Variants in TNS3 observed in about 807,000 individuals in gnomAD.
TNS3 encodes the protein tensin-3.
In TNS3, 45 loss-of-function variants were observed where a neutral mutation model predicts 140.9. The ratio of observed to expected loss-of-function variants is 0.32; its 90% CI spans 0.25 to 0.41. TNS3 has a LOEUF of 0.41. TNS3 is among the 10% of genes least tolerant of loss of function. The pLI is 1.00. For missense variants in TNS3, 1,716 were observed against 1,906.7 expected, an observed-to-expected ratio of 0.90 and a Z score of 1.86; for synonymous variants, 815 against 788.4, an observed-to-expected ratio of 1.03 and a Z score of -0.56.
intron 20 of TNS3, among the ~76,000 whole-genome samples, chr7:47,321,801 T>C (rs1176314346): frequency 1.3e-5 from 2 of 152,188 alleles, no homozygotes; most frequent in Non-Finnish European, 2.9e-5. Flanking sequence ...CTGATTTTAC[T>C]CTACATTGTT....
chr7:47,285,199 T>A (rs1584311881), intron 27 of TNS3, among the ~76,000 whole-genome samples: 1 of 152,292 alleles, frequency 6.6e-6, no homozygotes, highest in Non-Finnish European at 1.5e-5. Context: ...TGCTGGACCA[T>A]CCTTTCTATC....
intron 1 of TNS3, among the ~76,000 whole-genome samples, chr7:47,574,661 G>A (rs998840887): frequency 2.0e-5 from 3 of 149,062 alleles, no homozygotes; most frequent in Non-Finnish European, 3.0e-5. Flanking sequence ...CCACACACAC[G>A]GTATTATTCA....
chr7:47,531,226 A>G (rs1799394117), intron 1 of TNS3, among the ~76,000 whole-genome samples: 2 of 152,160 alleles, frequency 1.3e-5, no homozygotes, highest in Non-Finnish European at 1.5e-5. Flanking sequence ...TACCTATATA[A>G]TAAACCTGCA....
At chr7:47,509,140 G>A (rs1293998627) in intron 2 of TNS3, among the ~76,000 whole-genome samples, 1 of 152,234 alleles carries the variant, frequency 6.6e-6, no homozygotes, top group Non-Finnish European at 1.5e-5. Context: ...GTCAGTGCAA[G>A]GGTGGCAGTG....
At chr7:47,525,207 G>A (rs939611786) in intron 2 of TNS3, among the ~76,000 whole-genome samples, 16 of 152,140 alleles carry the variant, frequency 1.1e-4, no homozygotes, top group African/African-American at 1.7e-4. Context: ...TTGAATCCTC[G>A]GAGGTGACGC....
intron 4 of TNS3, among the ~76,000 whole-genome samples, chr7:47,454,174 T>A (rs1421034480): frequency 6.6e-6 from 1 of 152,098 alleles, no homozygotes; most frequent in African/African-American, 2.4e-5. Context: ...TGGTGTCTCC[T>A]TCCAGGCTGA....
intron 3 of TNS3, among the ~76,000 whole-genome samples, chr7:47,494,819 C>T (rs1241054681): frequency 6.6e-6 from 1 of 152,050 alleles, no homozygotes; most frequent in African/African-American, 2.4e-5. Flanking sequence ...CTTCCTGAAT[C>T]CCTGCCTAAA....
At chr7:47,443,724 C>G (rs1248871097) in intron 4 of TNS3, among the ~76,000 whole-genome samples, 1 of 152,094 alleles carries the variant, frequency 6.6e-6, no homozygotes, top group Non-Finnish European at 1.5e-5. Context: ...GAGTTCAAGA[C>G]CACCCTGGCC....
intron 1 of TNS3, among the ~76,000 whole-genome samples, chr7:47,536,578 T>C (rs1228852443): frequency 6.6e-6 from 1 of 152,180 alleles, no homozygotes; most frequent in African/African-American, 2.4e-5. Flanking sequence ...ATGGCCAGTA[T>C]CCCAATTCCA....
At chr7:47,548,387 T>G (rs1389964766) in intron 1 of TNS3, among the ~76,000 whole-genome samples, 1 of 152,126 alleles carries the variant, frequency 6.6e-6, no homozygotes, top group African/African-American at 2.4e-5. Context: ...CTGACTATAG[T>G]CACTGCCCCT....
In TNS3 at chr7:47,369,102, C is replaced by T; in HGVS notation, c.1544G>A (p.Ser515Asn). The T allele has an allele frequency of 6.2e-7, 1 of 1,614,154 alleles. No homozygotes were observed. Among genetic ancestry groups the T allele is most frequent in the East Asian group, 2.2e-5 (1 of 44,882 alleles). The change falls in exon 17 of 31, where the codon AGC becomes AAC. Residue 515 changes from serine (S) to asparagine (N), a missense_variant. Coordinates refer to ENST00000311160, the MANE Select transcript of TNS3 (RefSeq NM_022748.12). Reference protein sequence around the residue: ...AHLGPFTCHKSSQNSLLSDGF... With the variant: ...AHLGPFTCHKNSQNSLLSDGF... ...GTCAGATAGGAGTGAGTTCTGGCTGCTCTTGTGGCAGGTGAAGGGACCCAG... is the reference window on the plus strand; with the variant it reads ...GTCAGATAGGAGTGAGTTCTGGCTGTTCTTGTGGCAGGTGAAGGGACCCAG...
intron 2 of TNS3, among the ~76,000 whole-genome samples, 157 bp from the exon 3 acceptor site, chr7:47,507,101 G>A (rs1006120354): frequency 8.5e-5 from 13 of 152,278 alleles, no homozygotes; most frequent in Admixed American, 6.5e-4. Flanking sequence ...TATGACACAC[G>A]GCAGTGTGGA....
At chr7:47,303,636 C>T (rs752635256) in intron 21 of TNS3, 52 bp from the exon 22 acceptor site, 1 of 1,503,490 alleles carries the variant, frequency 6.7e-7, no homozygotes, top group East Asian at 2.4e-5. Context: ...AAAGAGACAC[C>T]TGAAGACCAG....
At chr7:47,569,672 G>A (rs1025244653) in intron 1 of TNS3, among the ~76,000 whole-genome samples, 1 of 151,898 alleles carries the variant, frequency 6.6e-6, no homozygotes, top group Non-Finnish European at 1.5e-5. Flanking sequence ...TGGCCAACAT[G>A]GGGAAACCTC....
At chr7:47,405,700 T>C (rs998536335) in intron 13 of TNS3, 4 of 658,812 alleles carry the variant, frequency 6.1e-6, no homozygotes, top group African/African-American at 1.8e-5. Context: ...AATGCTGTGA[T>C]GCGTCCAACA....
chr7:47,280,050 G>A, intron 30 of TNS3, 114 bp downstream of exon 30: 1 of 1,227,620 alleles, frequency 8.1e-7, no homozygotes, highest in South Asian at 1.3e-5. Flanking sequence ...AAAGAAATTG[G>A]CATGGTGTAG....
intron 4 of TNS3, among the ~76,000 whole-genome samples, chr7:47,452,269 G>T (rs909672612): frequency 6.6e-6 from 1 of 152,176 alleles, no homozygotes; most frequent in African/African-American, 2.4e-5. Flanking sequence ...CTCAGAGAGG[G>T]TAAGTGATTT....
chr7:47,572,858 C>CAA (rs1288520753), intron 1 of TNS3, among the ~76,000 whole-genome samples: 42 of 122,580 alleles, frequency 3.4e-4, no homozygotes, highest in African/African-American at 1.2e-3. Context: ...GACTCCGTCT[C>CAA]AAAAAAAAAA....
intron 1 of TNS3, among the ~76,000 whole-genome samples, chr7:47,564,877 C>T (rs1304405869): frequency 6.6e-6 from 1 of 151,868 alleles, no homozygotes; most frequent in Non-Finnish European, 1.5e-5. Flanking sequence ...GCAGACATGT[C>T]CCCTTCTCAC....
Sources: allele counts gnomAD v4.1 joint callset (sites outside exome capture counted in the v4.1 genomes callset), GRCh38; gene constraint gnomAD v4.1.1; transcripts MANE v1.5; gene names NCBI Gene and HGNC (gene_info 2026-07-23, HGNC 2026-07-21).